Variants in RARB observed in about 807,000 individuals in gnomAD.
RARB encodes the protein retinoic acid receptor beta, also known as HBV-activated protein.
RARB carries 17 observed loss-of-function variants against 51.9 expected under a neutral mutation model. The observed-to-expected ratio is 0.33, with a 90% confidence interval of 0.22 to 0.49. RARB has a LOEUF of 0.49. Among genes scored for constraint, RARB ranks in the 20% least tolerant of loss-of-function variants. The probability of loss-of-function intolerance (pLI) is 0.99; values close to 1 mark genes in which losing one functional copy is unlikely to be tolerated. For missense variants in RARB, 369 were observed against 550.8 expected (o/e 0.67, Z 3.30); for synonymous variants, 215 against 195.4 (o/e 1.10, Z -0.84).
At chr3:25,491,940 CAAAA>C (rs58891196) in intron 2 of RARB, among the ~76,000 whole-genome samples, 3 of 143,386 alleles carry the variant, frequency 2.1e-5, no homozygotes, top group Non-Finnish European at 3.1e-5. Flanking sequence ...GACTCTGTCT[CAAAA>C]AAAAAAAAAA....
chr3:25,009,174 T>C (rs1268907258), intron 2 of RARB, among the ~76,000 whole-genome samples: 1 of 152,138 alleles, frequency 6.6e-6, no homozygotes, highest in East Asian at 1.9e-4. Context: ...TGGACATTTC[T>C]GGCTAACCAG....
At chr3:25,005,014 T>C (rs1323328607) in intron 2 of RARB, among the ~76,000 whole-genome samples, 3 of 152,250 alleles carry the variant, frequency 2.0e-5, no homozygotes, top group South Asian at 4.1e-4. Context: ...CTTTTTCCCA[T>C]ACCCTACATC....
Position 25,040,351 on chromosome 3 carries a change from G to A in RARB, c.-379-19774G>A, listed in dbSNP as rs144950643. ...GGGAAGCCAATGGAAATATTCATAG[G>A]TGGTTCATAGGAGGGTGGAATCCAT... On this transcript the variant is annotated intron_variant, in intron 2 of 11. Coordinates refer to the RARB transcript ENST00000383772. Among the ~76,000 whole-genome samples, 571 of 152,290 alleles carry A rather than the reference G, an allele frequency of 3.7e-3. 3 individuals carry two copies. The highest frequency in any genetic ancestry group is 0.013 in the African/African-American group (552 of 41,554).
chr3:25,587,984 A>C (rs75482413), intron 5 of RARB, among the ~76,000 whole-genome samples: 42 of 120,664 alleles, frequency 3.5e-4, no homozygotes, highest in East Asian at 2.1e-3. Flanking sequence ...AATATTCATT[A>C]ACCACCTGCT....
At chr3:24,989,360 A>C (rs1345327203) in intron 2 of RARB, among the ~76,000 whole-genome samples, 3 of 152,210 alleles carry the variant, frequency 2.0e-5, no homozygotes, top group African/African-American at 4.8e-5. Context: ...TTCTCAGGTA[A>C]ATACTTGAAA....
At chr3:25,194,420 G>A (rs1701180376) in intron 5 of RARB, among the ~76,000 whole-genome samples, 1 of 151,314 alleles carries the variant, frequency 6.6e-6, no homozygotes, top group South Asian at 2.1e-4. Flanking sequence ...TATGGAAGGT[G>A]ATGGATAGCA....
intron 5 of RARB, among the ~76,000 whole-genome samples, chr3:25,236,724 G>C (rs1327879269): frequency 1.3e-5 from 2 of 151,974 alleles, no homozygotes; most frequent in African/African-American, 4.8e-5. Context: ...TGTTTATTTA[G>C]CATTTCATAT....
At chr3:25,176,880 C>G (rs1249915201) in intron 5 of RARB, among the ~76,000 whole-genome samples, 1 of 152,046 alleles carries the variant, frequency 6.6e-6, no homozygotes, top group Non-Finnish European at 1.5e-5. Context: ...TTTTCTAGAT[C>G]AAAACTGGTT....
chr3:25,202,996 C>G (rs1025025028), intron 5 of RARB, among the ~76,000 whole-genome samples: 2 of 152,144 alleles, frequency 1.3e-5, no homozygotes, highest in African/African-American at 4.8e-5. Context: ...TCCTTGTTAA[C>G]TTTCTGTCTC....
chr3:25,440,462 AAAAG>A lies in RARB; in HGVS notation c.157+11578_157+11581del, dbSNP rs554891293. Among the ~76,000 whole-genome samples, 370 of 151,920 alleles carry A rather than the reference AAAAG, an allele frequency of 2.4e-3. 1 individual carries two copies. Among genetic ancestry groups the A allele is most frequent in the African/African-American group, 8.2e-3 (341 of 41,432 alleles). ...ATCCTGTCTAAAAAATAAAAAAAAA[AAAAG>A]AAATTTATTTAAAAAAAAAATCCAG... On this transcript the variant is annotated intron_variant, in intron 1 of 7. Coordinates refer to ENST00000330688, the MANE Select transcript of RARB (RefSeq NM_000965.5).
intron 5 of RARB, among the ~76,000 whole-genome samples, chr3:25,351,748 T>C (rs905282426): frequency 6.6e-6 from 1 of 152,136 alleles, no homozygotes; most frequent in Admixed American, 6.6e-5. Context: ...TCCATCCCCA[T>C]CCTCACCCAT....
chr3:25,292,210 C>T (rs1438922771), intron 5 of RARB, among the ~76,000 whole-genome samples: 2 of 152,308 alleles, frequency 1.3e-5, no homozygotes, highest in Admixed American at 1.3e-4. Flanking sequence ...GACTGTTCTT[C>T]ACTGCTGGCG....
intron 5 of RARB, among the ~76,000 whole-genome samples, chr3:25,318,442 G>C (rs1704481708): frequency 6.6e-6 from 1 of 152,082 alleles, no homozygotes; most frequent in Non-Finnish European, 1.5e-5. Flanking sequence ...TTGAACATAA[G>C]GATCATTGTA....
intron 5 of RARB, among the ~76,000 whole-genome samples, chr3:25,216,862 A>T (rs1207419591): frequency 1.3e-5 from 2 of 152,036 alleles, no homozygotes; most frequent in Non-Finnish European, 2.9e-5. Context: ...AAGAAATCAG[A>T]TCATCTCTTG....
At chr3:25,053,593 A>G (rs1698380281) in intron 2 of RARB, among the ~76,000 whole-genome samples, 1 of 152,182 alleles carries the variant, frequency 6.6e-6, no homozygotes, top group Non-Finnish European at 1.5e-5. Flanking sequence ...GCTGTGGAGG[A>G]AAACAGTTAC....
intron 3 of RARB, among the ~76,000 whole-genome samples, chr3:25,550,483 G>C (rs1470292019): frequency 2.0e-5 from 3 of 152,066 alleles, no homozygotes; most frequent in African/African-American, 7.2e-5. Flanking sequence ...GCAGAAGGGG[G>C]AAGCAAGCTC....
At chr3:25,497,824 G>A (rs1203821058) in intron 2 of RARB, among the ~76,000 whole-genome samples, 1 of 152,142 alleles carries the variant, frequency 6.6e-6, no homozygotes, top group African/African-American at 2.4e-5. Flanking sequence ...CCATCCCTTG[G>A]CTTCAATAAC....
Position 24,992,469 on chromosome 3 carries a change from G to A in RARB, c.-379-67656G>A, listed in dbSNP as rs183602125. 3.3e-5 allele frequency among the ~76,000 whole-genome samples: 5 copies of A among 152,238 alleles called. No homozygotes were observed. In the East Asian group the frequency reaches 9.7e-4, roughly 29 times the overall value. ...TGATAAAACCAGAGAAAATTTGGTG[G>A]ATGTTTCTCCTGTGACAGATTAAGA... On this transcript the variant is annotated intron_variant, in intron 2 of 11. Transcript: ENST00000383772.
At chr3:24,915,331 G>A (rs993223721) in intron 2 of RARB, among the ~76,000 whole-genome samples, 1 of 152,138 alleles carries the variant, frequency 6.6e-6, no homozygotes, top group Non-Finnish European at 1.5e-5. Flanking sequence ...TCATATATTT[G>A]AAATATTTTA....
Sources: gnomAD v4.1 joint callset for allele counts (sites outside exome capture counted in the v4.1 genomes callset) on GRCh38, gnomAD v4.1.1 for gene constraint, MANE v1.5 for transcripts, NCBI Gene and HGNC (gene_info 2026-07-23, HGNC 2026-07-21) for gene names.